SYT16: variants seen among roughly 807,000 people sequenced by gnomAD.
The protein encoded by SYT16 is synaptotagmin 16.
In SYT16, 42 loss-of-function variants were observed where a neutral mutation model predicts 61.4. That is an observed-to-expected ratio of 0.68 (90% CI 0.53 to 0.89). SYT16 has a LOEUF of 0.89. SYT16 is among the 40% of genes least tolerant of loss of function. The probability of loss-of-function intolerance (pLI) is 0.00; values close to 1 mark genes in which losing one functional copy is unlikely to be tolerated. For synonymous variants in SYT16, 314 were observed against 302.3 expected, an observed-to-expected ratio of 1.04 and a Z score of -0.40; for missense variants, 804 against 807.3, an observed-to-expected ratio of 1.00 and a Z score of 0.05.
At chr14:62,086,518 A>C (rs1052791145) in intron 7 of SYT16, among the ~76,000 whole-genome samples, 4 of 152,084 alleles carry the variant, frequency 2.6e-5, no homozygotes, top group African/African-American at 9.7e-5. Context: ...ACAAACAAAA[A>C]ATTGTGTTAT....
chr14:61,996,368 T>C lies in SYT16; in HGVS notation c.349T>C (p.Cys117Arg). 1 of 1,613,556 alleles carries C rather than the reference T, an allele frequency of 6.2e-7. No homozygotes were observed. The highest frequency in any genetic ancestry group is 8.5e-7 in the Non-Finnish European group (1 of 1,179,614). Residue 117 changes from cysteine to arginine, a missense_variant, in exon 3 of 8, where the codon TGT becomes CGT. Coordinates refer to ENST00000683842, the MANE Select transcript of SYT16 (RefSeq NM_001367656.1). The stretch of plus-strand genomic sequence containing the variant: ...CCTTAGCCAACATGCAAAGGACTCA[T>C]GTTCCACAATGTCCCAGTGGCCCAA... ...PSLSQHAKDS[C>R]STMSQWPNWA...
At chr14:61,987,307 A>G (rs942858368) in intron 2 of SYT16, among the ~76,000 whole-genome samples, 3 of 152,190 alleles carry the variant, frequency 2.0e-5, no homozygotes, top group African/African-American at 7.2e-5. Context: ...GGAACCAACC[A>G]GGGATGGCCT....
intron 1 of SYT16, among the ~76,000 whole-genome samples, chr14:61,962,406 A>G (rs2051151326): frequency 6.6e-6 from 1 of 152,068 alleles, no homozygotes; most frequent in Non-Finnish European, 1.5e-5. Context: ...CGTCTCTTGA[A>G]TGTGACATGT....
Position 62,110,746 on chromosome 14 carries a change from T to C in SYT16, c.*10039T>C, listed in dbSNP as rs1406060740. The C allele has an allele frequency of 6.6e-6, 1 of 152,126 alleles. No homozygotes were observed. Among genetic ancestry groups the C allele is most frequent in the Non-Finnish European group, 1.5e-5 (1 of 67,972 alleles). The allele number at this position is 152,126 out of a possible 1,614,324, so 9.4% of individuals were successfully genotyped here. ...CAGGTTCGCCAACCTTTGAGTTGAA[T>C]GCAGACCTTTCTTTAGAACAACCTA... is the stretch of plus-strand genomic sequence containing the variant. On this transcript the variant is annotated 3_prime_UTR_variant, in exon 8 of 8. Transcript: ENST00000683842.
intron 1 of SYT16, among the ~76,000 whole-genome samples, chr14:61,867,066 G>A (rs916542834): frequency 5.3e-5 from 8 of 151,642 alleles, no homozygotes; most frequent in Non-Finnish European, 1.0e-4. Context: ...ATATATGTTT[G>A]AGATTATTTC....
At chr14:61,881,402 C>T (rs532407735) in intron 1 of SYT16, among the ~76,000 whole-genome samples, 14 of 152,282 alleles carry the variant, frequency 9.2e-5, no homozygotes, top group Admixed American at 3.9e-4. Context: ...ATCTGGCTTC[C>T]GTTTTGGTAT....
intron 1 of SYT16, among the ~76,000 whole-genome samples, chr14:61,834,705 G>A (rs961265243): frequency 6.6e-6 from 1 of 152,076 alleles, no homozygotes; most frequent in Admixed American, 6.6e-5. Flanking sequence ...CCAAAGTGTT[G>A]AGATTACAGA....
At chr14:61,833,155 G>C (rs953249544) in intron 1 of SYT16, among the ~76,000 whole-genome samples, 2 of 152,098 alleles carry the variant, frequency 1.3e-5, no homozygotes, top group African/African-American at 4.8e-5. Context: ...TAGGAATTTT[G>C]GTGGTCCTGG....
intron 1 of SYT16, among the ~76,000 whole-genome samples, chr14:61,923,702 A>G (rs1252509722): frequency 6.6e-6 from 1 of 152,198 alleles, no homozygotes; most frequent in Admixed American, 6.5e-5. Flanking sequence ...TGTCTGTGCC[A>G]GACAAATGGA....
chr14:62,062,109 T>C (rs1342066353), intron 3 of SYT16, among the ~76,000 whole-genome samples: 1 of 152,230 alleles, frequency 6.6e-6, no homozygotes, highest in Non-Finnish European at 1.5e-5. Flanking sequence ...CTCACTCATA[T>C]TTAACTATTA....
chr14:61,858,138 AAAAAAG>A lies in SYT16; in HGVS notation c.-325+45332_-325+45337del, dbSNP rs1321711118. 7.3e-4 allele frequency among the ~76,000 whole-genome samples: 108 copies of A among 148,896 alleles called. 4 individuals are homozygous for A. In the South Asian group the frequency reaches 0.022, roughly 30 times the overall value. ...AGCTTGGCAAAAAAAAAAAAAAAAA[AAAAAAG>A]AAAGAAAAAAAGAAAAAAAAAATTG... On this transcript the variant is annotated intron_variant, in intron 1 of 7. Transcript: ENST00000683842.
At chr14:62,023,350 T>C (rs1157958466) in intron 3 of SYT16, among the ~76,000 whole-genome samples, 2 of 152,206 alleles carry the variant, frequency 1.3e-5, no homozygotes, top group East Asian at 1.9e-4. Context: ...TTTACCTTAG[T>C]AGAATTTGAC....
At chr14:61,933,955 A>G (rs942737937) in intron 1 of SYT16, among the ~76,000 whole-genome samples, 26 of 152,282 alleles carry the variant, frequency 1.7e-4, no homozygotes, top group African/African-American at 6.3e-4. Context: ...ACACATGCAT[A>G]TTTGTGTGTA....
intron 1 of SYT16, among the ~76,000 whole-genome samples, chr14:61,947,242 C>A (rs965171895): frequency 6.8e-6 from 1 of 146,504 alleles, no homozygotes; most frequent in East Asian, 2.0e-4. Flanking sequence ...TTCGGTGGAT[C>A]TTTTGGCCTC....
At chr14:61,860,799 C>T (rs1417735725) in intron 1 of SYT16, among the ~76,000 whole-genome samples, 1 of 152,150 alleles carries the variant, frequency 6.6e-6, no homozygotes, top group Non-Finnish European at 1.5e-5. Flanking sequence ...GAGTGTTTTT[C>T]TCCAGCCTTG....
intron 3 of SYT16, among the ~76,000 whole-genome samples, chr14:62,004,028 G>T (rs1451760047): frequency 6.6e-6 from 1 of 152,288 alleles, no homozygotes; most frequent in Non-Finnish European, 1.5e-5. Flanking sequence ...GATTGGGAAG[G>T]TCTTTGGTTT....
At chr14:61,853,027 T>G (rs2046662651) in intron 1 of SYT16, among the ~76,000 whole-genome samples, 1 of 152,180 alleles carries the variant, frequency 6.6e-6, no homozygotes, top group Non-Finnish European at 1.5e-5. Flanking sequence ...CAAGTGATTC[T>G]CCTGCCTCAG....
intron 2 of SYT16, among the ~76,000 whole-genome samples, chr14:61,986,143 C>T (rs1267962763): frequency 6.6e-6 from 1 of 151,934 alleles, no homozygotes; most frequent in Non-Finnish European, 1.5e-5. Context: ...CACTGTCTCT[C>T]CTAATCTCTT....
chr14:61,958,096 C>T (rs1353819026), intron 1 of SYT16, among the ~76,000 whole-genome samples: 1 of 151,672 alleles, frequency 6.6e-6, no homozygotes, highest in African/African-American at 2.4e-5. Context: ...TCATAATATT[C>T]ATTTATGATT....
Sources: gnomAD v4.1 joint callset for allele counts (sites outside exome capture counted in the v4.1 genomes callset) on GRCh38, gnomAD v4.1.1 for gene constraint, MANE v1.5 for transcripts, NCBI Gene and HGNC (gene_info 2026-07-23, HGNC 2026-07-21) for gene names.